The following MACROD2 variants were observed in gnomAD, a reference collection of about 807,000 sequenced individuals.
The protein encoded by MACROD2 is mono-ADP ribosylhydrolase 2, also known as ADP-ribose glycohydrolase MACROD2.
In MACROD2, 36 loss-of-function variants were observed where a neutral mutation model predicts 70.4. The ratio of observed to expected loss-of-function variants is 0.51; its 90% CI spans 0.39 to 0.68. The LOEUF (loss-of-function observed/expected upper bound fraction) is 0.68. Ranked by LOEUF, MACROD2 falls within the 30% of genes least tolerant of loss-of-function variation. MACROD2 has a pLI of 0.00. For synonymous variants in MACROD2, 172 were observed against 178.8 expected (o/e 0.96, Z 0.30); for missense variants, 496 against 538.4 (o/e 0.92, Z 0.78).
chr20:15,868,692 T>G (rs534620508), intron 9 of MACROD2, among the ~76,000 whole-genome samples: 16 of 152,008 alleles, frequency 1.1e-4, no homozygotes, highest in African/African-American at 3.6e-4. Context: ...TTAGATACCT[T>G]CAACCCCTTA....
At position 15,861,662 on chromosome 20, in the gene MACROD2, G is replaced by A. The variant is rs542837246; in HGVS notation, c.646-1083G>A. Among the ~76,000 whole-genome samples the A allele has an allele frequency of 5.9e-5, 9 of 152,248 alleles. No homozygotes were observed. The South Asian group carries it at 1.2e-3, about 21-fold the overall frequency. ...TAAGGAGCCAAATCTCTGGTCTTCCGTCAGAAAATGTGATTGTTTATAACC... is the reference window on the plus strand; with the variant it reads ...TAAGGAGCCAAATCTCTGGTCTTCCATCAGAAAATGTGATTGTTTATAACC... On this transcript the variant is annotated intron_variant, in intron 8 of 17. Transcript: ENST00000684519.
chr20:15,089,208 C>T (rs1302994103), intron 5 of MACROD2, among the ~76,000 whole-genome samples: 1 of 152,142 alleles, frequency 6.6e-6, no homozygotes, highest in African/African-American at 2.4e-5. Context: ...CTAGGAAATA[C>T]AAGGCGTAAT....
At chr20:14,040,775 T>C (rs923189036) in intron 2 of MACROD2, among the ~76,000 whole-genome samples, 1 of 152,240 alleles carries the variant, frequency 6.6e-6, no homozygotes, top group African/African-American at 2.4e-5. Flanking sequence ...TAGGAATTTT[T>C]CAGCTTCGTT....
intron 2 of MACROD2, among the ~76,000 whole-genome samples, chr20:14,052,552 TTTAA>T (rs2053581664): frequency 6.6e-6 from 1 of 151,448 alleles, no homozygotes; most frequent in Admixed American, 6.6e-5. Context: ...TGCTGTGCGT[TTTAA>T]TTAAGTAGTT....
chr20:15,957,448 T>G (rs1483232323), intron 12 of MACROD2, among the ~76,000 whole-genome samples: 2 of 152,158 alleles, frequency 1.3e-5, no homozygotes, highest in African/African-American at 2.4e-5. Flanking sequence ...GTGACCCACT[T>G]CATACGTCTC....
intron 8 of MACROD2, among the ~76,000 whole-genome samples, chr20:15,813,597 G>A (rs549085305): frequency 3.9e-5 from 6 of 152,272 alleles, no homozygotes; most frequent in South Asian, 2.1e-4. Context: ...GGGAAACATA[G>A]TGAGATCTTG....
At chr20:15,344,759 G>C (rs1600269039) in intron 6 of MACROD2, among the ~76,000 whole-genome samples, 1 of 152,172 alleles carries the variant, frequency 6.6e-6, no homozygotes, top group African/African-American at 2.4e-5. Flanking sequence ...TGTAGAATTA[G>C]TGACTAGAAG....
intron 5 of MACROD2, among the ~76,000 whole-genome samples, chr20:15,179,762 G>A (rs2076487655): frequency 6.6e-6 from 1 of 152,166 alleles, no homozygotes; most frequent in African/African-American, 2.4e-5. Context: ...TTTTGGCATT[G>A]CCAAGGTCAT....
intron 5 of MACROD2, among the ~76,000 whole-genome samples, chr20:14,950,271 T>A (rs914554256): frequency 1.3e-5 from 2 of 152,130 alleles, no homozygotes; most frequent in Non-Finnish European, 1.5e-5. Context: ...ACTCATGCTG[T>A]CTTGCAGACA....
chr20:14,578,523 T>A (rs1980771403), intron 4 of MACROD2, among the ~76,000 whole-genome samples: 1 of 152,202 alleles, frequency 6.6e-6, no homozygotes, highest in Non-Finnish European at 1.5e-5. Context: ...AATATTTACT[T>A]GCTTTTTAAC....
At chr20:14,019,105 G>A (rs1395039519) in intron 2 of MACROD2, among the ~76,000 whole-genome samples, 1 of 152,148 alleles carries the variant, frequency 6.6e-6, no homozygotes, top group Non-Finnish European at 1.5e-5. Flanking sequence ...CAGTTACTGA[G>A]GTTCTGTAAC....
intron 5 of MACROD2, among the ~76,000 whole-genome samples, chr20:14,956,354 A>C (rs181247728): frequency 8.7e-4 from 132 of 152,294 alleles, no homozygotes; most frequent in African/African-American, 2.9e-3. Context: ...TATCATTTGG[A>C]TATGGGATAG....
At chr20:14,341,662 A>G (rs1202073222) in intron 3 of MACROD2, among the ~76,000 whole-genome samples, 1 of 152,292 alleles carries the variant, frequency 6.6e-6, no homozygotes, top group African/African-American at 2.4e-5. Context: ...AAGAAAAAAT[A>G]GTTCATACTT....
At chr20:15,332,485 G>A (rs1159016400) in intron 6 of MACROD2, among the ~76,000 whole-genome samples, 2 of 151,558 alleles carry the variant, frequency 1.3e-5, no homozygotes, top group Non-Finnish European at 2.9e-5. Flanking sequence ...ATGAATTAAT[G>A]TGATTAATTT....
intron 5 of MACROD2, among the ~76,000 whole-genome samples, chr20:14,953,908 G>A (rs558887690): frequency 3.0e-4 from 46 of 152,204 alleles, no homozygotes; most frequent in African/African-American, 9.9e-4. Context: ...ATGGAGAACC[G>A]GTAGAAACAG....
At chr20:15,078,128 G>A (rs2075673692) in intron 5 of MACROD2, among the ~76,000 whole-genome samples, 1 of 152,106 alleles carries the variant, frequency 6.6e-6, no homozygotes, top group Admixed American at 6.5e-5. Context: ...TCGGGTCCTG[G>A]GGAGTCATAA....
At chr20:14,392,604 A>C (rs554513500) in intron 3 of MACROD2, among the ~76,000 whole-genome samples, 4 of 152,342 alleles carry the variant, frequency 2.6e-5, no homozygotes, top group Admixed American at 1.3e-4. Flanking sequence ...TTACTTAAAA[A>C]TATAATTTCT....
chr20:15,642,609 C>G (rs1197095445), intron 8 of MACROD2, among the ~76,000 whole-genome samples: 4 of 116,186 alleles, frequency 3.4e-5, no homozygotes, highest in Admixed American at 8.7e-5. Context: ...CACACACACA[C>G]ACACACACAC....
intron 7 of MACROD2, among the ~76,000 whole-genome samples, chr20:15,493,479 A>C (rs1157874631): frequency 2.8e-4 from 43 of 152,266 alleles, no homozygotes; most frequent in Admixed American, 2.8e-3. Flanking sequence ...AGTTTAAAAC[A>C]AAAGCTAATC....
Sources: gnomAD v4.1 joint callset for allele counts (sites outside exome capture counted in the v4.1 genomes callset) on GRCh38, gnomAD v4.1.1 for gene constraint, MANE v1.5 for transcripts, NCBI Gene and HGNC (gene_info 2026-07-23, HGNC 2026-07-21) for gene names.